DST: variants seen among roughly 807,000 people sequenced by gnomAD.
The protein encoded by DST is bullous pemphigoid antigen.
A neutral mutation model predicts 875.2 loss-of-function variants in DST; 253 were observed. That is an observed-to-expected ratio of 0.29 (90% CI 0.26 to 0.32). The LOEUF is 0.32. Among genes scored for constraint, DST ranks in the 10% least tolerant of loss-of-function variants. DST has a pLI of 1.00. For missense variants in DST, 8,287 were observed against 9,111.6 expected, an observed-to-expected ratio of 0.91 and a Z score of 3.68; for synonymous variants, 3,124 against 3,197.1, an observed-to-expected ratio of 0.98 and a Z score of 0.77.
intron 5 of DST, among the ~76,000 whole-genome samples, chr6:56,715,984 G>T (rs903470738): frequency 6.6e-6 from 1 of 152,074 alleles, no homozygotes; most frequent in African/African-American, 2.4e-5. Flanking sequence ...CCAAGTCTAC[G>T]CATTCGTAAA....
At chr6:56,485,848 G>A (rs908677047) in intron 87 of DST, among the ~76,000 whole-genome samples, 7 of 151,964 alleles carry the variant, frequency 4.6e-5, no homozygotes, top group Non-Finnish European at 8.8e-5. Context: ...ATAGATTCAC[G>A]TAATCATCAC....
chr6:56,858,697 A>G (rs76420406), intron 3 of DST, among the ~76,000 whole-genome samples: 3 of 152,148 alleles, frequency 2.0e-5, no homozygotes, highest in Non-Finnish European at 4.4e-5. Flanking sequence ...CCCAATAGGG[A>G]TATCACTTTG....
intron 5 of DST, among the ~76,000 whole-genome samples, chr6:56,720,127 G>C (rs546257179): frequency 6.6e-6 from 1 of 152,072 alleles, no homozygotes; most frequent in Non-Finnish European, 1.5e-5. Context: ...CTACAGTTTC[G>C]ACCATAGAAG....
intron 9 of DST, chr6:56,692,494 TCA>T (rs2099237304): frequency 7.8e-7 from 1 of 1,289,654 alleles, no homozygotes; most frequent in African/African-American, 1.5e-5. Flanking sequence ...GCAAAATCTC[TCA>T]GTGTTTTGCT....
chr6:56,721,825 C>T (rs917411175), intron 5 of DST, among the ~76,000 whole-genome samples: 3 of 152,168 alleles, frequency 2.0e-5, no homozygotes, highest in Non-Finnish European at 4.4e-5. Context: ...CCTGTCTTCA[C>T]CATTCAAGTG....
At chr6:56,521,532 T>C (rs571911807) in intron 69 of DST, among the ~76,000 whole-genome samples, 18 of 145,928 alleles carry the variant, frequency 1.2e-4, no homozygotes, top group East Asian at 9.9e-4. Flanking sequence ...ACCATCTAAG[T>C]TGCCAAAAAA....
At chr6:56,658,275 C>A (rs1169954114) in intron 10 of DST, among the ~76,000 whole-genome samples, 1 of 152,232 alleles carries the variant, frequency 6.6e-6, no homozygotes, top group Non-Finnish European at 1.5e-5. Context: ...GGAACACACA[C>A]ACAAAGCACA....
chr6:56,797,615 C>T (rs942289035), intron 4 of DST, among the ~76,000 whole-genome samples: 3 of 152,040 alleles, frequency 2.0e-5, no homozygotes, highest in East Asian at 3.9e-4. Context: ...AGGCGAATCA[C>T]CTGAGGTCAG....
intron 61 of DST, among the ~76,000 whole-genome samples, chr6:56,551,534 T>G (rs1176192584): frequency 6.6e-6 from 1 of 152,194 alleles, no homozygotes; most frequent in Non-Finnish European, 1.5e-5. Context: ...TGGCCCACCA[T>G]TTTTATCAAA....
intron 3 of DST, among the ~76,000 whole-genome samples, chr6:56,866,070 T>C (rs1278812679): frequency 6.6e-6 from 1 of 152,002 alleles, no homozygotes; most frequent in Non-Finnish European, 1.5e-5. Context: ...CTCGGCTCAC[T>C]GCAACCTCTG....
intron 16 of DST, 79 bp from the exon 17 acceptor site, chr6:56,642,180 G>C: frequency 1.6e-6 from 2 of 1,224,430 alleles, no homozygotes; most frequent in Non-Finnish European, 2.4e-6. Flanking sequence ...TCAAATATTG[G>C]AACAGAAGCC....
At chr6:56,884,815 G>C (rs865949073) in intron 3 of DST, among the ~76,000 whole-genome samples, 1 of 151,806 alleles carries the variant, frequency 6.6e-6, no homozygotes, top group African/African-American at 2.4e-5. Context: ...TGCAAGCTCC[G>C]CCTCCCAGGT....
At chr6:56,503,079 T>C (rs1232578268) in intron 78 of DST, among the ~76,000 whole-genome samples, 1 of 152,048 alleles carries the variant, frequency 6.6e-6, no homozygotes. Flanking sequence ...AACAAACCTT[T>C]TGGGAAACAT....
chr6:56,492,530 A>C, intron 84 of DST, 97 bp from the exon 85 acceptor site: 1 of 1,278,210 alleles, frequency 7.8e-7, no homozygotes, highest in East Asian at 2.3e-5. Context: ...ATTTTAAAGG[A>C]CAAACGAAAG....
chr6:56,758,308 T>A (rs761637203), intron 4 of DST, among the ~76,000 whole-genome samples: 3 of 152,148 alleles, frequency 2.0e-5, no homozygotes. Context: ...GGGAATACAG[T>A]GCCTTTTTTT....
chr6:56,513,642 G>T (rs1179979524), intron 72 of DST, among the ~76,000 whole-genome samples: 1 of 152,160 alleles, frequency 6.6e-6, no homozygotes, highest in African/African-American at 2.4e-5. Context: ...GGGATTACAG[G>T]CATGAGCCAC....
chr6:56,764,640 G>A (rs2099628111), intron 4 of DST, among the ~76,000 whole-genome samples: 1 of 152,032 alleles, frequency 6.6e-6, no homozygotes, highest in South Asian at 2.1e-4. Flanking sequence ...ATTTAAAAAA[G>A]AAGGAGTGGG....
intron 3 of DST, among the ~76,000 whole-genome samples, chr6:56,860,189 T>G (rs1411742181): frequency 6.6e-6 from 1 of 152,164 alleles, no homozygotes. Context: ...TCCTTGCATG[T>G]ATGATACCTG....
intron 9 of DST, among the ~76,000 whole-genome samples, chr6:56,679,649 C>T (rs560548095): frequency 2.7e-5 from 4 of 150,366 alleles, no homozygotes; most frequent in African/African-American, 7.3e-5. Context: ...CACGTGCCTG[C>T]GGTCCAAGCT....
Sources: allele counts gnomAD v4.1 joint callset (sites outside exome capture counted in the v4.1 genomes callset), GRCh38; gene constraint gnomAD v4.1.1; transcripts MANE v1.5; gene names NCBI Gene and HGNC (gene_info 2026-07-23, HGNC 2026-07-21).